Variants in UBE2V2 observed in about 807,000 individuals in gnomAD.
UBE2V2 encodes the protein ubiquitin-conjugating enzyme E2 variant 2.
In UBE2V2, 9 loss-of-function variants were observed where a neutral mutation model predicts 17.2. The observed-to-expected ratio is 0.52, with a 90% confidence interval of 0.32 to 0.91. UBE2V2 has a LOEUF of 0.91. UBE2V2 is among the 40% of genes least tolerant of loss of function. The pLI is 0.04. For missense variants in UBE2V2, 133 were observed against 182.6 expected, an observed-to-expected ratio of 0.73 and a Z score of 1.56; for synonymous variants, 61 against 57.5, an observed-to-expected ratio of 1.06 and a Z score of -0.28.
chr8:48,002,977 C>T, the UBE2V2 span, among the ~76,000 whole-genome samples: 4 of 151,956 alleles, frequency 2.6e-5, no homozygotes, highest in South Asian at 4.1e-4. Flanking sequence ...TTTGGGAGGC[C>T]GAAGAAGGCG....
intron 1 of UBE2V2, chr8:48,042,481 C>T (rs932014567): frequency 2.0e-5 from 3 of 150,694 alleles, no homozygotes; most frequent in African/African-American, 7.3e-5. Flanking sequence ...TGTTTACTCT[C>T]TGACAGATTC....
rs937612084 is a variant in UBE2V2 at position 48,063,361 on chromosome 8, T to C, written c.*2533T>C. 6.6e-6 allele frequency: 1 copy of C among 152,188 alleles called. No homozygotes were observed. Among genetic ancestry groups the C allele is most frequent in the Non-Finnish European group, 1.5e-5 (1 of 68,010 alleles). The allele number at this position is 152,188 out of a possible 1,614,324, so 9.4% of individuals were successfully genotyped here. On this transcript the variant is annotated 3_prime_UTR_variant, in exon 4 of 4. Coordinates refer to ENST00000523111, the MANE Select transcript of UBE2V2 (RefSeq NM_003350.3). ...AGAGGAATTAATATAGAAAAGCTCT[T>C]AATTATAATAACATTTGGAAGAAAT...
chr8:48,025,431 T>C (rs1320601172), intron 1 of UBE2V2, among the ~76,000 whole-genome samples: 2 of 151,072 alleles, frequency 1.3e-5, no homozygotes, highest in Admixed American at 6.6e-5. Flanking sequence ...ACTTAGCTGA[T>C]TATTATTATT....
chr8:48,017,403 C>A (rs372394272), intron 1 of UBE2V2, among the ~76,000 whole-genome samples: 46 of 144,174 alleles, frequency 3.2e-4, no homozygotes, highest in African/African-American at 1.2e-3. Context: ...GGTGGAGTTT[C>A]GCTCTTGTTG....
At chr8:48,014,341 T>C (rs1258986462) in intron 1 of UBE2V2, among the ~76,000 whole-genome samples, 1 of 152,148 alleles carries the variant, frequency 6.6e-6, no homozygotes, top group African/African-American at 2.4e-5. Context: ...GAACTCTCCC[T>C]GTTTAGAAAT....
chr8:48,008,699 G>C, intron 1 of UBE2V2: 2 of 309,160 alleles, frequency 6.5e-6, no homozygotes, highest in South Asian at 2.6e-4. Flanking sequence ...CCGGCGGGCT[G>C]GGGGCGGGGT....
At chr8:48,024,137 G>A (rs963803440) in intron 1 of UBE2V2, among the ~76,000 whole-genome samples, 2 of 152,052 alleles carry the variant, frequency 1.3e-5, no homozygotes, top group Non-Finnish European at 2.9e-5. Context: ...CTGTGTATAG[G>A]TACTTTTAAA....
intron 1 of UBE2V2, among the ~76,000 whole-genome samples, chr8:48,015,535 A>T (rs1320061737): frequency 6.6e-6 from 1 of 152,146 alleles, no homozygotes; most frequent in Admixed American, 6.6e-5. Context: ...ATTTTTCAAG[A>T]ATACAGTATG....
intron 2 of UBE2V2, chr8:48,043,636 TGGA>T (rs1244608690): frequency 6.6e-6 from 1 of 152,136 alleles, no homozygotes; most frequent in Non-Finnish European, 1.5e-5. Flanking sequence ...GGTGAGGAAA[TGGA>T]GGGGGTATGT....
At chr8:48,058,633 T>G (rs548972077) in intron 3 of UBE2V2, among the ~76,000 whole-genome samples, 1 of 151,936 alleles carries the variant, frequency 6.6e-6, no homozygotes, top group South Asian at 2.1e-4. Flanking sequence ...CCTTATCTTA[T>G]TCTTCATCTT....
intron 1 of UBE2V2, among the ~76,000 whole-genome samples, chr8:48,021,084 T>G (rs895026830): frequency 2.6e-5 from 4 of 151,022 alleles, no homozygotes; most frequent in Non-Finnish European, 4.4e-5. Context: ...TAGGTTTTTT[T>G]TTTTTTTTTT....
At chr8:48,031,888 C>A (rs2091385879) in intron 1 of UBE2V2, among the ~76,000 whole-genome samples, 1 of 152,116 alleles carries the variant, frequency 6.6e-6, no homozygotes, top group Admixed American at 6.6e-5. Context: ...CCTCATGATC[C>A]ACCCGCCTTG....
the UBE2V2 span, among the ~76,000 whole-genome samples, chr8:48,002,393 C>A: frequency 6.6e-6 from 1 of 152,112 alleles, no homozygotes; most frequent in Admixed American, 6.6e-5. Flanking sequence ...TGTGGGTGAA[C>A]CTGGAGGACC....
At chr8:48,002,326 T>C in the UBE2V2 span, among the ~76,000 whole-genome samples, 1 of 152,210 alleles carries the variant, frequency 6.6e-6, no homozygotes, top group African/African-American at 2.4e-5. Flanking sequence ...GTGGCATATA[T>C]GTACACAGTA....
chr8:48,014,000 C>T (rs1436612456), intron 1 of UBE2V2, among the ~76,000 whole-genome samples: 5 of 152,234 alleles, frequency 3.3e-5, no homozygotes, highest in African/African-American at 4.8e-5. Context: ...GGACAGAACT[C>T]GGGTGTGGTG....
chr8:48,051,461 CA>C (rs946843591), intron 3 of UBE2V2, among the ~76,000 whole-genome samples: 3 of 152,094 alleles, frequency 2.0e-5, no homozygotes, highest in Admixed American at 6.6e-5. Flanking sequence ...CATATGTACA[CA>C]AATTCATCCT....
At chr8:48,012,914 G>T (rs2091243616) in intron 1 of UBE2V2, among the ~76,000 whole-genome samples, 3 of 150,060 alleles carry the variant, frequency 2.0e-5, no homozygotes, top group East Asian at 2.0e-4. Flanking sequence ...GGCGTGATCT[G>T]GGCTCACTGC....
chr8:48,025,342 A>G (rs1480020326), intron 1 of UBE2V2, among the ~76,000 whole-genome samples: 1 of 150,212 alleles, frequency 6.7e-6, no homozygotes, highest in Non-Finnish European at 1.5e-5. Context: ...ATCTCGGCTC[A>G]CTGCAACTTG....
intron 1 of UBE2V2, among the ~76,000 whole-genome samples, chr8:48,024,852 T>C (rs917569068): frequency 2.0e-5 from 3 of 152,074 alleles, no homozygotes; most frequent in African/African-American, 7.2e-5. Flanking sequence ...GGCTAAATGC[T>C]GGTCAATATT....
Sources: gnomAD v4.1 joint callset for allele counts (sites outside exome capture counted in the v4.1 genomes callset) on GRCh38, gnomAD v4.1.1 for gene constraint, MANE v1.5 for transcripts, NCBI Gene and HGNC (gene_info 2026-07-23, HGNC 2026-07-21) for gene names.